DNAH17: variants seen among roughly 807,000 people sequenced by gnomAD.
DNAH17 encodes the protein axonemal beta dynein heavy chain 17.
A neutral mutation model predicts 485.6 loss-of-function variants in DNAH17; 376 were observed. The observed-to-expected ratio is 0.77, with a 90% confidence interval of 0.71 to 0.84. The LOEUF is 0.84. Among genes scored for constraint, DNAH17 ranks in the 40% least tolerant of loss-of-function variants. The pLI, the probability that DNAH17 is intolerant of heterozygous loss-of-function variation, is 0.00. For missense variants in DNAH17, 6,370 were observed against 5,839.3 expected, an observed-to-expected ratio of 1.09 and a Z score of -2.96; for synonymous variants, 3,031 against 2,405.9, an observed-to-expected ratio of 1.26 and a Z score of -7.60.
chr17:78,568,021 C>T (rs761323523), intron 9 of DNAH17, among the ~76,000 whole-genome samples: 10 of 152,156 alleles, frequency 6.6e-5, no homozygotes, highest in Admixed American at 2.6e-4. Flanking sequence ...CATCAGGCCA[C>T]GCACCAACAC....
intron 24 of DNAH17, 81 bp downstream of exon 24, chr17:78,526,570 C>G (rs144262080): frequency 7.8e-7 from 1 of 1,278,354 alleles, no homozygotes; most frequent in Non-Finnish European, 1.1e-6. Context: ...CGTTTCTGGA[C>G]TTGAAAGGAT....
At chr17:78,450,126 G>A in intron 68 of DNAH17, 128 bp downstream of exon 68, 1 of 1,127,046 alleles carries the variant, frequency 8.9e-7, no homozygotes, top group Non-Finnish European at 1.3e-6. Context: ...TCTGCAGGCT[G>A]GACCAGGTCT....
rs752635764 is a variant in DNAH17, at chr17:78,485,765, A to G, written c.7276-8T>C. 6.2e-7 allele frequency: 1 copy of G among 1,602,770 alleles called. No homozygotes were observed. Among genetic ancestry groups the G allele is most frequent in the Non-Finnish European group, 8.5e-7 (1 of 1,177,874 alleles). ...GGTGTGGACCAAAGAGGCCTGGGGCAGGGGAGGGAAGGGGAGGGAGCTGTG... is the reference window on the plus strand; with the variant it reads ...GGTGTGGACCAAAGAGGCCTGGGGCGGGGGAGGGAAGGGGAGGGAGCTGTG... On this transcript the variant is annotated splice_polypyrimidine_tract_variant and splice_region_variant and intron_variant, in intron 46 of 80. Transcript: ENST00000389840.
At chr17:78,538,269 T>C (rs1380348478) in intron 18 of DNAH17, among the ~76,000 whole-genome samples, 1 of 151,986 alleles carries the variant, frequency 6.6e-6, no homozygotes, top group Non-Finnish European at 1.5e-5. Flanking sequence ...CCTGTCCCTC[T>C]CCCTTGGAAG....
chr17:78,537,060 C>T (rs1465363365), intron 19 of DNAH17, among the ~76,000 whole-genome samples: 1 of 151,700 alleles, frequency 6.6e-6, no homozygotes, highest in Non-Finnish European at 1.5e-5. Context: ...TGCCTGTAAT[C>T]CCAGCTACTC....
At position 78,429,003 on chromosome 17, in the gene DNAH17, T is replaced by C; in HGVS notation, c.12405+118A>G. 6.3e-6 allele frequency: 7 copies of C among 1,106,216 alleles called. No individual in the cohort carries two copies. The South Asian group carries it at 9.0e-5, about 14-fold the overall frequency. The allele number at this position is 1,106,216 out of a possible 1,614,324, so 68.5% of individuals were successfully genotyped here. ...AGTGAGACGCATTTCTCATCCTCTC[T>C]TATTTTGGCTGCCTGGGTTCTTGCT... On this transcript the variant is annotated intron_variant, in intron 76 of 80. Transcript: ENST00000389840.
chr17:78,462,164 T>C (rs1263065285), intron 57 of DNAH17, among the ~76,000 whole-genome samples: 1 of 151,268 alleles, frequency 6.6e-6, no homozygotes, highest in Admixed American at 6.6e-5. Flanking sequence ...AGAGCGAGAC[T>C]CTGTCTCAAA....
At position 78,423,903 on chromosome 17, in the gene DNAH17, G is replaced by C; in HGVS notation, c.*3C>G. The C allele has an allele frequency of 6.2e-7, 1 of 1,613,826 alleles. No homozygotes were observed. Among genetic ancestry groups the C allele is most frequent in the Non-Finnish European group, 8.5e-7 (1 of 1,179,820 alleles). On this transcript the variant is annotated 3_prime_UTR_variant, in exon 81 of 81. Transcript: ENST00000389840. ...GGAGTGTGGGCTGTGAGGCAGGAGC[G>C]AGCTAAACCTGTAGGAGCAGCGCCA...
chr17:78,458,718 C>G (rs748383452), intron 61 of DNAH17, 38 bp from the exon 62 acceptor site: 2 of 1,554,778 alleles, frequency 1.3e-6, no homozygotes, highest in South Asian at 1.1e-5. Context: ...GAAAACCCCA[C>G]GAGGCATCTC....
rs375060474 is a variant in DNAH17 at position 78,466,694 on chromosome 17, G to A, written c.8901C>T (p.Ser2967=). The part of the protein sequence containing the change: ...FHEWPEDALV[S]VSARFLEETE... ...TCTCCTCCAGGAAGCGGGCGCTGAC[G>A]GACACCAGCGCATCTTCCGGCCACT... Residue 2967 remains serine (S), a synonymous_variant, in exon 56 of 81, where the codon TCC becomes TCT. Coordinates refer to ENST00000389840, the MANE Select transcript of DNAH17 (RefSeq NM_173628.4). 1.7e-4 allele frequency: 279 copies of A among 1,612,126 alleles called. No individual in the cohort carries two copies. The African/African-American group carries it at 2.7e-3, about 15-fold the overall frequency.
rs766955702 is a variant in DNAH17, at chr17:78,552,686, G to A, written c.2287+11C>T. The A allele has an allele frequency of 4.9e-5, 78 of 1,600,842 alleles. No individual in the cohort carries two copies. The highest frequency in any genetic ancestry group is 6.2e-5 in the Non-Finnish European group (73 of 1,168,108). Reference sequence around the variant, plus strand: ...GTTTAATCCAATGTGGGAGGAATGTGGCCTCCGTACCTTCGCCATTCCAGA... The same window carrying A: ...GTTTAATCCAATGTGGGAGGAATGTAGCCTCCGTACCTTCGCCATTCCAGA... On this transcript the variant is annotated intron_variant, in intron 15 of 80. Transcript: ENST00000389840.
chr17:78,429,252 C>G lies in DNAH17; in HGVS notation c.12274G>C (p.Gly4092Arg). The G allele has an allele frequency of 1.9e-6, 3 of 1,613,942 alleles. No homozygotes were observed. Among genetic ancestry groups the G allele is most frequent in the Non-Finnish European group, 2.5e-6 (3 of 1,179,914 alleles). Residue 4092 changes from glycine to arginine, a missense_variant, in exon 76 of 81, where the codon GGC becomes CGC. By Grantham distance (125) the Gly-to-Arg change is moderately radical. Transcript: ENST00000389840. ...RYLFGEIMYG[G>R]HITDDWDRRL... The stretch of plus-strand genomic sequence containing the variant: ...CGGTCCCAGTCATCTGTGATGTGGC[C>G]GCCATACATGATTTCACCAAAAAGG...
rs1245056409 is a variant in DNAH17, at chr17:78,505,274, G to A, written c.4956+19C>T. ...CACCCTTGTCCTGGGTTCCCTGTGT[G>A]GTGTGCGCACACACTCACCTGCCCC... is the stretch of plus-strand genomic sequence containing the variant. On this transcript the variant is annotated intron_variant, in intron 31 of 80. Transcript: ENST00000389840. 2 of 1,613,450 alleles carry A rather than the reference G, an allele frequency of 1.2e-6. No individual in the cohort carries two copies. The highest frequency in any genetic ancestry group is 1.7e-6 in the Non-Finnish European group (2 of 1,179,698).
chr17:78,527,055 T>C (rs2091097992), intron 22 of DNAH17, 59 bp from the exon 23 acceptor site: 1 of 1,395,654 alleles, frequency 7.2e-7, no homozygotes, highest in South Asian at 1.3e-5. Flanking sequence ...AAACCTTCTA[T>C]TGTGAAATAA....
chr17:78,540,697 G>GC, intron 17 of DNAH17, among the ~76,000 whole-genome samples: 1 of 46,890 alleles, frequency 2.1e-5, no homozygotes, highest in Non-Finnish European at 4.0e-5. Context: ...TGGGTGGATG[G>GC]GTGGAGAGAT....
At chr17:78,568,852 C>T (rs117579802) in intron 9 of DNAH17, among the ~76,000 whole-genome samples, 2 of 152,214 alleles carry the variant, frequency 1.3e-5, no homozygotes, top group Non-Finnish European at 2.9e-5. Flanking sequence ...TAATTGAGTC[C>T]CACTAAGTGA....
rs145874442 is a variant in DNAH17, at chr17:78,498,561, A to G, written c.5745+447T>C. 9.7e-3 allele frequency among the ~76,000 whole-genome samples: 1,476 copies of G among 152,300 alleles called. 22 individuals are homozygous for G. Among genetic ancestry groups the G allele is most frequent in the African/African-American group, 0.033 (1,379 of 41,556 alleles). ...GAAGTCCCTGCACCCAGGTCGCCCC[A>G]GCCACTCCGCTGCACGCTCTGTGCC... On this transcript the variant is annotated intron_variant, in intron 37 of 80. Coordinates refer to ENST00000389840, the MANE Select transcript of DNAH17 (RefSeq NM_173628.4).
rs915667092 is a variant in DNAH17 at position 78,530,385 on chromosome 17, C to A, written c.3242G>T (p.Gly1081Val). The A allele has an allele frequency of 6.2e-7, 1 of 1,612,930 alleles. No homozygotes were observed. The highest frequency in any genetic ancestry group is 1.7e-5 in the Admixed American group (1 of 60,006). Residue 1081 changes from glycine (G) to valine (V), a missense_variant, in exon 21 of 81, where the codon GGC becomes GTC. Coordinates refer to ENST00000389840, the MANE Select transcript of DNAH17 (RefSeq NM_173628.4). ...GCTCAGGTGCCGCTTGAACATGAAG[C>A]CCCAGCGCCGGATTGTGCTGAGCAG... ...QALLSTIRRW[G>V]FMFKRHLSNH...
intron 58 of DNAH17, 62 bp from the exon 59 acceptor site, chr17:78,460,319 T>TGTGC: frequency 6.9e-7 from 1 of 1,441,522 alleles, no homozygotes; most frequent in Non-Finnish European, 9.4e-7. Flanking sequence ...TGGGGGCGTG[T>TGTGC]ACGTGCATGT....
Sources: gnomAD v4.1 joint callset for allele counts (sites outside exome capture counted in the v4.1 genomes callset) on GRCh38, gnomAD v4.1.1 for gene constraint, MANE v1.5 for transcripts, NCBI Gene and HGNC (gene_info 2026-07-23, HGNC 2026-07-21) for gene names.